RASAL2: variants seen among roughly 807,000 people sequenced by gnomAD.
RASAL2 encodes ras GTPase-activating protein nGAP.
In RASAL2, 58 loss-of-function variants were observed where a neutral mutation model predicts 128.9. The observed-to-expected ratio is 0.45, with a 90% CI of 0.36 to 0.56. The LOEUF (loss-of-function observed/expected upper bound fraction) is 0.56. Ranked by LOEUF, RASAL2 falls within the 20% of genes least tolerant of loss-of-function variation. The pLI is 0.00. For missense variants in RASAL2, 1,360 were observed against 1,601.6 expected (o/e 0.85, Z 2.57); for synonymous variants, 561 against 580.8 (o/e 0.97, Z 0.49).
intron 4 of RASAL2, among the ~76,000 whole-genome samples, chr1:178,413,098 TG>T (rs994846367): frequency 8.9e-4 from 135 of 152,204 alleles, no homozygotes; most frequent in African/African-American, 3.1e-3. Context: ...TCTCCCAGGC[TG>T]GAGGGCAGTG....
In RASAL2 at chr1:178,245,324, C is replaced by T. The variant is rs529815236; in HGVS notation, c.203-38240C>T. On this transcript the variant is annotated intron_variant, in intron 1 of 17. Transcript: ENST00000367649. ...GTTGTAATTTGCATTTCTCTAATGA[C>T]CAGTGATGATGAGCTTTTTTTCATA... 5.3e-5 allele frequency among the ~76,000 whole-genome samples: 8 copies of T among 152,306 alleles called. No homozygotes were observed. In the East Asian group the frequency reaches 7.7e-4, roughly 15 times the overall value.
At chr1:178,255,653 T>C (rs1571716726) in intron 1 of RASAL2, among the ~76,000 whole-genome samples, 1 of 152,122 alleles carries the variant, frequency 6.6e-6, no homozygotes, top group Admixed American at 6.5e-5. Context: ...TAGTGAGATA[T>C]GTATGGTAAG....
At chr1:178,268,659 C>G (rs2102162785) in intron 1 of RASAL2, among the ~76,000 whole-genome samples, 1 of 152,182 alleles carries the variant, frequency 6.6e-6, no homozygotes, top group East Asian at 1.9e-4. Context: ...ATTGCTTGCT[C>G]CTTTGTCCAG....
intron 4 of RASAL2, among the ~76,000 whole-genome samples, chr1:178,406,506 C>A (rs1674009488): frequency 6.6e-6 from 1 of 152,106 alleles, no homozygotes; most frequent in South Asian, 2.1e-4. Context: ...ATTGGTACAG[C>A]ATACATTTAT....
At chr1:178,332,351 A>G in intron 3 of RASAL2, among the ~76,000 whole-genome samples, 1 of 151,838 alleles carries the variant, frequency 6.6e-6, no homozygotes, top group East Asian at 2.0e-4. Flanking sequence ...AAATCACACA[A>G]AAAAATTAGC....
intron 4 of RASAL2, among the ~76,000 whole-genome samples, chr1:178,408,675 T>C (rs1476909754): frequency 6.6e-6 from 1 of 152,002 alleles, no homozygotes; most frequent in African/African-American, 2.4e-5. Flanking sequence ...ATATTACATT[T>C]CTGGCTGTTT....
chr1:178,241,496 G>A (rs1664498086), intron 1 of RASAL2, among the ~76,000 whole-genome samples: 1 of 152,140 alleles, frequency 6.6e-6, no homozygotes, highest in Non-Finnish European at 1.5e-5. Context: ...TTTTAAGGCA[G>A]CTGTGGATTT....
At chr1:178,339,751 C>T (rs1327958683) in intron 3 of RASAL2, among the ~76,000 whole-genome samples, 5 of 152,122 alleles carry the variant, frequency 3.3e-5, no homozygotes, top group African/African-American at 1.2e-4. Context: ...CTTGACTAAT[C>T]CATCTTATGT....
chr1:178,248,157 T>C (rs1186546951), intron 1 of RASAL2, among the ~76,000 whole-genome samples: 1 of 152,220 alleles, frequency 6.6e-6, no homozygotes, highest in Non-Finnish European at 1.5e-5. Context: ...CTGCTTAATA[T>C]TGACAGTGGG....
At chr1:178,364,636 A>T (rs1671307041) in intron 3 of RASAL2, among the ~76,000 whole-genome samples, 1 of 152,204 alleles carries the variant, frequency 6.6e-6, no homozygotes, top group Non-Finnish European at 1.5e-5. Context: ...TTTTCAGTTT[A>T]CTTACAGAGC....
At chr1:178,160,962 T>A (rs1661267961) in intron 1 of RASAL2, among the ~76,000 whole-genome samples, 1 of 152,222 alleles carries the variant, frequency 6.6e-6, no homozygotes, top group South Asian at 2.1e-4. Flanking sequence ...TTTTACAAAC[T>A]CCATTTTCCA....
chr1:178,275,255 G>A (rs1321928438), intron 1 of RASAL2, among the ~76,000 whole-genome samples: 1 of 152,224 alleles, frequency 6.6e-6, no homozygotes. Flanking sequence ...TGAGAGCACA[G>A]TCATGCACCC....
chr1:178,289,557 C>T (rs944632674), intron 2 of RASAL2, among the ~76,000 whole-genome samples: 2 of 152,110 alleles, frequency 1.3e-5, no homozygotes, highest in African/African-American at 4.8e-5. Context: ...TCAAGTGATC[C>T]TTCCACCTCA....
At chr1:178,210,278 T>C (rs1215989566) in intron 1 of RASAL2, among the ~76,000 whole-genome samples, 1 of 152,226 alleles carries the variant, frequency 6.6e-6, no homozygotes, top group East Asian at 1.9e-4. Flanking sequence ...TATTGTCTTA[T>C]ATATTGTAAA....
In RASAL2 at chr1:178,380,185, C is replaced by T. The variant is rs1389602488; in HGVS notation, c.458-9915C>T. Among the ~76,000 whole-genome samples the T allele has an allele frequency of 3.3e-5, 5 of 152,190 alleles. No individual in the cohort carries two copies. In the East Asian group the frequency reaches 5.8e-4, roughly 18 times the overall value. On this transcript the variant is annotated intron_variant, in intron 3 of 17. Coordinates refer to ENST00000367649, the MANE Select transcript of RASAL2 (RefSeq NM_170692.4). The stretch of plus-strand genomic sequence containing the variant: ...ATTACAGGCGTGAGTCACCGTGCCC[C>T]GCCAATTTGTGACCTTTTTAAATAG...
chr1:178,389,071 A>G (rs1672746026), intron 3 of RASAL2, among the ~76,000 whole-genome samples: 1 of 152,216 alleles, frequency 6.6e-6, no homozygotes, highest in South Asian at 2.1e-4. Context: ...GAGGCCAGAA[A>G]TGGAAGTTTA....
chr1:178,240,013 A>T (rs557605172), intron 1 of RASAL2, among the ~76,000 whole-genome samples: 3 of 152,066 alleles, frequency 2.0e-5, no homozygotes, highest in African/African-American at 2.4e-5. Context: ...ATAATAAAAC[A>T]TAAAATATTT....
chr1:178,253,682 G>A (rs1665166808), intron 1 of RASAL2, among the ~76,000 whole-genome samples: 1 of 152,136 alleles, frequency 6.6e-6, no homozygotes, highest in South Asian at 2.1e-4. Context: ...GGCATGGGTG[G>A]GGGTCACAAG....
chr1:178,107,106 A>ACT (rs1438207114), intron 1 of RASAL2, among the ~76,000 whole-genome samples: 1 of 152,150 alleles, frequency 6.6e-6, no homozygotes, highest in African/African-American at 2.4e-5. Context: ...AAACATGATA[A>ACT]GTCATTTCTC....
Sources: gnomAD v4.1 joint callset for allele counts (sites outside exome capture counted in the v4.1 genomes callset) on GRCh38, gnomAD v4.1.1 for gene constraint, MANE v1.5 for transcripts, NCBI Gene and HGNC (gene_info 2026-07-23, HGNC 2026-07-21) for gene names.